EFCAB5: variants seen among roughly 807,000 people sequenced by gnomAD.
EFCAB5 encodes EF-hand calcium binding domain 5, also known as EF-hand calcium-binding domain-containing protein 5.
In EFCAB5, 131 loss-of-function variants were observed where a neutral mutation model predicts 167.9. That is an observed-to-expected ratio of 0.78 (90% confidence interval 0.68 to 0.90). The LOEUF is 0.90. EFCAB5 is among the 40% of genes least tolerant of loss of function. The pLI, the probability that EFCAB5 is intolerant of heterozygous loss-of-function variation, is 0.00. For synonymous variants in EFCAB5, 574 were observed against 602.8 expected (o/e 0.95, Z 0.70); for missense variants, 1,663 against 1,745.2 (o/e 0.95, Z 0.84).
chr17:29,941,721 TTTTC>T lies in EFCAB5; in HGVS notation c.-68_-65del, dbSNP rs1463733825. On this transcript the variant is annotated 5_prime_UTR_variant, in exon 1 of 23. An upstream open reading frame in the 5' UTR gains an earlier in-frame stop. Transcript: ENST00000394835. ...GAGTACTTTGTGATGTTTATTAATA[TTTTC>T]TTTCTTTTTGTTATTAATACTGGTC... is the stretch of plus-strand genomic sequence containing the variant. 2 of 1,327,366 alleles carry T rather than the reference TTTTC, an allele frequency of 1.5e-6. No homozygotes were observed. The highest frequency in any genetic ancestry group is 1.3e-5 in the South Asian group (1 of 75,288). 82.2% of individuals were successfully genotyped at this position (1,327,366 alleles called of 1,614,324 possible).
chr17:30,070,652 A>G (rs1276367646), intron 14 of EFCAB5, among the ~76,000 whole-genome samples: 2 of 152,162 alleles, frequency 1.3e-5, no homozygotes, highest in African/African-American at 4.8e-5. Context: ...AAATAAAACT[A>G]GACCCCTATC....
At chr17:29,958,064 G>A (rs781686958) in intron 3 of EFCAB5, among the ~76,000 whole-genome samples, 1 of 152,122 alleles carries the variant, frequency 6.6e-6, no homozygotes, top group Non-Finnish European at 1.5e-5. Flanking sequence ...AATTTGGTTT[G>A]CTAGTATTTT....
chr17:30,074,037 A>G (rs558242037), intron 14 of EFCAB5: 3 of 160,604 alleles, frequency 1.9e-5, no homozygotes, highest in African/African-American at 7.2e-5. Flanking sequence ...ATTTCATAAA[A>G]ATGAAATTAT....
chr17:29,951,891 T>A lies in EFCAB5; in HGVS notation c.190+8242T>A, dbSNP rs200733668. Among the ~76,000 whole-genome samples, 4 of 152,160 alleles carry A rather than the reference T, an allele frequency of 2.6e-5. No homozygotes were observed. The East Asian group carries it at 7.7e-4, about 29-fold the overall frequency. On this transcript the variant is annotated intron_variant, in intron 3 of 22. Transcript: ENST00000394835. ...TATTCTTGCAGGTGGTGACATAAAT[T>A]GGAACCAATCACTCTGGGAAATAAT...
At chr17:29,989,253 G>A (rs2068357862) in intron 4 of EFCAB5, among the ~76,000 whole-genome samples, 1 of 152,184 alleles carries the variant, frequency 6.6e-6, no homozygotes, top group South Asian at 2.1e-4. Flanking sequence ...GAGAAATCGA[G>A]TTTTGCAAGT....
intron 8 of EFCAB5, among the ~76,000 whole-genome samples, chr17:30,049,211 G>T (rs1306297582): frequency 6.6e-6 from 1 of 152,134 alleles, no homozygotes; most frequent in Non-Finnish European, 1.5e-5. Context: ...AAAATACAGG[G>T]TTTATGACCT....
chr17:30,054,284 C>A, intron 10 of EFCAB5, 136 bp downstream of exon 10: 1 of 1,118,364 alleles, frequency 8.9e-7, no homozygotes, highest in Non-Finnish European at 1.2e-6. Context: ...GCATATTTTG[C>A]TGCTCCACAT....
Position 30,045,858 on chromosome 17 carries a change from T to A in EFCAB5, c.1201-5260T>A, listed in dbSNP as rs1017012060. Among the ~76,000 whole-genome samples, 49 of 151,220 alleles carry A rather than the reference T, an allele frequency of 3.2e-4. 1 individual carries two copies. The Middle Eastern group carries it at 0.014, about 43-fold the overall frequency. On this transcript the variant is annotated intron_variant, in intron 8 of 22. Transcript: ENST00000394835. ...CTACAAAAATAAATAAATAAATAAA[T>A]AAAATTAAAAATAAATAAATAAATA...
chr17:30,022,300 T>C (rs990430701), intron 7 of EFCAB5, among the ~76,000 whole-genome samples: 2 of 152,146 alleles, frequency 1.3e-5, no homozygotes, highest in Non-Finnish European at 1.5e-5. Flanking sequence ...AGGAATTTAT[T>C]TCCCCGTCTG....
At chr17:30,072,362 A>C (rs183758743) in intron 14 of EFCAB5, among the ~76,000 whole-genome samples, 330 of 152,332 alleles carry the variant, frequency 2.2e-3, no homozygotes, top group Non-Finnish European at 3.6e-3. Flanking sequence ...CAACAACAAA[A>C]AACATTTTGG....
intron 14 of EFCAB5, among the ~76,000 whole-genome samples, chr17:30,076,514 T>A (rs895487690): frequency 1.3e-5 from 2 of 152,184 alleles, no homozygotes; most frequent in African/African-American, 4.8e-5. Flanking sequence ...ACTACAGAAA[T>A]GAGAAACTCA....
At chr17:30,026,140 G>A (rs985947728) in intron 7 of EFCAB5, among the ~76,000 whole-genome samples, 7 of 151,534 alleles carry the variant, frequency 4.6e-5, no homozygotes, top group African/African-American at 1.7e-4. Context: ...TGCACATTGT[G>A]CACATGTACC....
chr17:30,089,818 C>T (rs1461811679), intron 19 of EFCAB5, among the ~76,000 whole-genome samples: 1 of 152,208 alleles, frequency 6.6e-6, no homozygotes, highest in Non-Finnish European at 1.5e-5. Context: ...CAAAAAACCC[C>T]TCCCTTTGCC....
At position 30,090,411 on chromosome 17, in the gene EFCAB5, T is replaced by A; in HGVS notation, c.3684-10T>A. On this transcript the variant is annotated splice_polypyrimidine_tract_variant and intron_variant, in intron 19 of 22. Transcript: ENST00000394835. Reference sequence around the variant, plus strand: ...TTAATATCCTTGTGCTTATTTGGTTTTGATTTCAGAGATTTCCTCTTTAAA... The same window carrying A: ...TTAATATCCTTGTGCTTATTTGGTTATGATTTCAGAGATTTCCTCTTTAAA... The A allele has an allele frequency of 6.2e-7, 1 of 1,609,216 alleles. No homozygotes were observed. The highest frequency in any genetic ancestry group is 8.5e-7 in the Non-Finnish European group (1 of 1,177,804).
intron 4 of EFCAB5, among the ~76,000 whole-genome samples, chr17:29,981,383 C>T (rs1012260259): frequency 2.6e-5 from 4 of 152,270 alleles, no homozygotes; most frequent in South Asian, 4.1e-4. Flanking sequence ...ATATGCCATT[C>T]CCTCTGCCTA....
At chr17:29,990,546 A>G (rs9890718) in intron 4 of EFCAB5, among the ~76,000 whole-genome samples, 13,622 of 152,188 alleles carry the variant, frequency 0.09, 1,363 homozygotes, top group African/African-American at 0.25. Context: ...TTAAATTTAA[A>G]CTAGATCTAC....
rs748405224 is a variant in EFCAB5, at chr17:30,055,943, A to C, written c.2250A>C (p.Lys750Asn). ...KDKPCEPKSQ[K>N]IEGKSWSGEF... The stretch of plus-strand genomic sequence containing the variant: ...AGCCCTGTGAACCCAAGTCCCAAAA[A>C]ATAGAAGGAAAGTCATGGTCAGGTA... The change falls in exon 11 of 23, where the codon AAA (lysine) becomes AAC (asparagine). Residue 750 changes from lysine (K) to asparagine (N), a missense_variant. Transcript: ENST00000394835. 1 of 1,613,738 alleles carries C rather than the reference A, an allele frequency of 6.2e-7. No individual in the cohort carries two copies. Among genetic ancestry groups the C allele is most frequent in the Non-Finnish European group, 8.5e-7 (1 of 1,179,786 alleles).
chr17:29,992,806 A>G (rs1204151875), intron 4 of EFCAB5, among the ~76,000 whole-genome samples: 1 of 152,256 alleles, frequency 6.6e-6, no homozygotes, highest in Non-Finnish European at 1.5e-5. Context: ...GTAAATATCC[A>G]GAAGTGAGAC....
chr17:30,079,501 A>G (rs2070939487), intron 15 of EFCAB5, among the ~76,000 whole-genome samples: 1 of 152,252 alleles, frequency 6.6e-6, no homozygotes, highest in Non-Finnish European at 1.5e-5. Flanking sequence ...CATAATAATA[A>G]TATTTAAGGT....
Sources: gnomAD v4.1 joint callset for allele counts (sites outside exome capture counted in the v4.1 genomes callset) on GRCh38, gnomAD v4.1.1 for gene constraint, MANE v1.5 for transcripts, NCBI Gene and HGNC (gene_info 2026-07-23, HGNC 2026-07-21) for gene names.